The following PIEZO2 variants were observed in gnomAD, a reference collection of about 807,000 sequenced individuals.
PIEZO2 encodes the protein piezo type mechanosensitive ion channel component 2.
In PIEZO2, 172 loss-of-function variants were observed where a neutral mutation model predicts 337.3. The ratio of observed to expected loss-of-function variants is 0.51; its 90% confidence interval spans 0.45 to 0.58. The LOEUF is 0.58. PIEZO2 is among the 20% of genes least tolerant of loss of function. PIEZO2 has a pLI of 0.00. For synonymous variants in PIEZO2, 1,251 were observed against 1,228.5 expected (o/e 1.02, Z -0.38); for missense variants, 3,028 against 3,391.3 (o/e 0.89, Z 2.66).
chr18:10,702,287 T>C, intron 42 of PIEZO2, 116 bp from the exon 43 acceptor site: 1 of 980,056 alleles, frequency 1.0e-6, no homozygotes, highest in South Asian at 1.7e-5. Context: ...ACAGTTTTGA[T>C]GGTAGGCAGG....
intron 5 of PIEZO2, 35 bp from the exon 6 acceptor site, chr18:10,857,246 A>G: frequency 6.6e-7 from 1 of 1,516,858 alleles, no homozygotes; most frequent in Non-Finnish European, 8.9e-7. Flanking sequence ...ACTCAAGTCC[A>G]GGAGCCTGCC....
At chr18:10,785,696 C>T (rs1010802272) in intron 16 of PIEZO2, among the ~76,000 whole-genome samples, 1 of 152,100 alleles carries the variant, frequency 6.6e-6, no homozygotes, top group Non-Finnish European at 1.5e-5. Context: ...CATCCTAAAG[C>T]ACCTCTTGAA....
chr18:10,935,424 G>A (rs571159106), intron 3 of PIEZO2, among the ~76,000 whole-genome samples: 1 of 152,278 alleles, frequency 6.6e-6, no homozygotes, highest in South Asian at 2.1e-4. Flanking sequence ...AACAACGGAG[G>A]TAGATTTTGT....
At chr18:11,082,910 A>G (rs1221761343) in intron 1 of PIEZO2, among the ~76,000 whole-genome samples, 5 of 152,336 alleles carry the variant, frequency 3.3e-5, no homozygotes, top group Non-Finnish European at 7.3e-5. Flanking sequence ...AAAGACCACA[A>G]TTTGATTCTA....
At chr18:10,947,092 G>A (rs1477877942) in intron 3 of PIEZO2, among the ~76,000 whole-genome samples, 1 of 151,716 alleles carries the variant, frequency 6.6e-6, no homozygotes, top group East Asian at 1.9e-4. Context: ...ACATTAGAAA[G>A]TTATAATAGT....
At chr18:10,907,107 A>G (rs529665517) in intron 4 of PIEZO2, among the ~76,000 whole-genome samples, 10 of 152,318 alleles carry the variant, frequency 6.6e-5, no homozygotes, top group East Asian at 1.9e-4. Context: ...TTAGAAGCCC[A>G]TATTTCAGAA....
rs1270126399 is a variant in PIEZO2, at chr18:10,795,007, G to A, written c.1528-5C>T. On this transcript the variant is annotated splice_region_variant and splice_polypyrimidine_tract_variant and intron_variant, in intron 12 of 55. Transcript: ENST00000674853. The surrounding 1 kb of genome is among the most constrained non-coding windows in gnomAD (Gnocchi z 4.4). ...GTGATAGGTGATGCTCCAGGCCTCC[G>A]GAGGACAGAAAAGGAAACACGACCA... 10 of 1,546,468 alleles carry A rather than the reference G, an allele frequency of 6.5e-6. No homozygotes were observed. The highest frequency in any genetic ancestry group is 5.9e-5 in the South Asian group (5 of 84,050).
chr18:10,903,520 A>T lies in PIEZO2; in HGVS notation c.329+7666T>A, dbSNP rs1457303172. On this transcript the variant is annotated intron_variant, in intron 4 of 55. Transcript: ENST00000674853. This position sits in a 1 kb window ranked among gnomAD's most constrained non-coding sequence, Gnocchi z 4.1. Reference sequence around the variant, plus strand: ...CCCGTCTCTACCAAAAATAAAAAAAATTAGCTGGGCATAGTGGCGCGCTCC... The same window carrying T: ...CCCGTCTCTACCAAAAATAAAAAAATTTAGCTGGGCATAGTGGCGCGCTCC... Among the ~76,000 whole-genome samples the T allele has an allele frequency of 6.6e-6, 1 of 152,092 alleles. No homozygotes were observed. The highest frequency in any genetic ancestry group is 2.4e-5 in the African/African-American group (1 of 41,414).
rs1429681838 is a variant in PIEZO2, at chr18:11,127,109, TG to T, written c.64+21415del. 6.6e-6 allele frequency among the ~76,000 whole-genome samples: 1 copy of T among 152,036 alleles called. No homozygotes were observed. The highest frequency in any genetic ancestry group is 1.5e-5 in the Non-Finnish European group (1 of 68,002). On this transcript the variant is annotated intron_variant, in intron 1 of 55. Transcript: ENST00000674853. The surrounding 1 kb of genome is among the most constrained non-coding windows in gnomAD (Gnocchi z 4.5). ...ATATTACTAACCAAACTCACTAACATGAAAGAATTGAGACAGAGTAAGTCCT... is the reference window on the plus strand; with the variant it reads ...ATATTACTAACCAAACTCACTAACATAAAGAATTGAGACAGAGTAAGTCCT...
chr18:11,008,211 T>C (rs2035785709), intron 2 of PIEZO2, among the ~76,000 whole-genome samples: 1 of 152,172 alleles, frequency 6.6e-6, no homozygotes, highest in Admixed American at 6.5e-5. Context: ...ATTGTCTAGA[T>C]ACTGACCAAA....
At chr18:10,963,546 T>C (rs1287936496) in intron 3 of PIEZO2, among the ~76,000 whole-genome samples, 1 of 152,214 alleles carries the variant, frequency 6.6e-6, no homozygotes, top group Non-Finnish European at 1.5e-5. Context: ...AAAAACTTAA[T>C]TCACTTTCTG....
intron 2 of PIEZO2, among the ~76,000 whole-genome samples, chr18:10,989,997 T>G (rs1489114947): frequency 6.6e-6 from 1 of 152,192 alleles, no homozygotes; most frequent in Non-Finnish European, 1.5e-5. Flanking sequence ...AATAATGACA[T>G]TTACCACATT....
intron 2 of PIEZO2, among the ~76,000 whole-genome samples, chr18:11,010,843 A>G (rs992728477): frequency 2.6e-5 from 4 of 152,244 alleles, no homozygotes; most frequent in Non-Finnish European, 5.9e-5. Context: ...CATGGCTCAG[A>G]GAGGAAGCCC....
intron 4 of PIEZO2, among the ~76,000 whole-genome samples, chr18:10,873,478 TG>T (rs1190927244): frequency 6.6e-6 from 1 of 152,176 alleles, no homozygotes; most frequent in Non-Finnish European, 1.5e-5. Context: ...CTTCTATACA[TG>T]GATGTGCACA....
intron 2 of PIEZO2, among the ~76,000 whole-genome samples, chr18:11,053,587 G>A (rs539647731): frequency 5.3e-5 from 8 of 152,328 alleles, no homozygotes; most frequent in Admixed American, 5.2e-4. Flanking sequence ...GGGCATGTTA[G>A]CCAATATTTA....
Position 10,676,056 on chromosome 18 carries a change from C to G in PIEZO2, c.8082-768G>C, listed in dbSNP as rs2143433396. ...AGCGGTATGAGAATGGACTAATACA[C>G]AAGTAGACTTCATGAATTGATCTAG... is the stretch of plus-strand genomic sequence containing the variant. On this transcript the variant is annotated intron_variant, in intron 53 of 55. Coordinates refer to ENST00000674853, the MANE Select transcript of PIEZO2 (RefSeq NM_001378183.1). The surrounding 1 kb of genome is among the most constrained non-coding windows in gnomAD (Gnocchi z 5.1). Among the ~76,000 whole-genome samples, 1 of 152,298 alleles carries G rather than the reference C, an allele frequency of 6.6e-6. No homozygotes were observed. Among genetic ancestry groups the G allele is most frequent in the African/African-American group, 2.4e-5 (1 of 41,554 alleles).
chr18:10,763,149 C>G (rs1009065187), intron 21 of PIEZO2, 51 bp from the exon 22 acceptor site: 31 of 1,497,642 alleles, frequency 2.1e-5, no homozygotes, highest in Non-Finnish European at 2.7e-5. Flanking sequence ...CACGGCATAA[C>G]AAACAGGACA....
chr18:10,946,652 G>A (rs536967766), intron 3 of PIEZO2, among the ~76,000 whole-genome samples: 14 of 152,300 alleles, frequency 9.2e-5, no homozygotes, highest in East Asian at 7.7e-4. Context: ...GCTCCACTCC[G>A]CTGGGCTGGT....
chr18:10,916,556 G>A (rs1013309600), intron 3 of PIEZO2, among the ~76,000 whole-genome samples: 8 of 152,160 alleles, frequency 5.3e-5, no homozygotes, highest in African/African-American at 9.6e-5. Context: ...CAGGGCGTGC[G>A]GCACCAGCAG....
Sources: gnomAD v4.1 joint callset for allele counts (sites outside exome capture counted in the v4.1 genomes callset) on GRCh38, gnomAD v4.1.1 for gene constraint, Gnocchi (gnomAD v3.1) non-coding constraint, MANE v1.5 for transcripts, NCBI Gene and HGNC (gene_info 2026-07-23, HGNC 2026-07-21) for gene names.